The following HDAC9 variants were observed in gnomAD, a reference collection of about 807,000 sequenced individuals.
HDAC9 encodes MEF-2 interacting transcription repressor (MITR) protein.
In HDAC9, 41 loss-of-function variants were observed where a neutral mutation model predicts 139.4. The ratio of observed to expected loss-of-function variants is 0.29; its 90% CI spans 0.23 to 0.38. HDAC9 has a LOEUF of 0.38. Among genes scored for constraint, HDAC9 ranks in the 10% least tolerant of loss-of-function variants. The pLI is 1.00. For missense variants in HDAC9, 1,147 were observed against 1,297.0 expected, an observed-to-expected ratio of 0.88 and a Z score of 1.78; for synonymous variants, 517 against 476.2, an observed-to-expected ratio of 1.09 and a Z score of -1.12.
chr7:18,526,549 A>C (rs1806994166), intron 2 of HDAC9, among the ~76,000 whole-genome samples: 1 of 152,184 alleles, frequency 6.6e-6, no homozygotes, highest in Non-Finnish European at 1.5e-5. Context: ...TGTGTCACCA[A>C]AACATATTAT....
chr7:18,276,724 G>T (rs1235348277), intron 2 of HDAC9, among the ~76,000 whole-genome samples: 1 of 152,172 alleles, frequency 6.6e-6, no homozygotes, highest in Non-Finnish European at 1.5e-5. Flanking sequence ...ATGAATAGCT[G>T]AAGTGACAGC....
chr7:18,140,235 T>G (rs1446411221), intron 1 of HDAC9, among the ~76,000 whole-genome samples: 1 of 152,156 alleles, frequency 6.6e-6, no homozygotes. Context: ...AGGAAAACAG[T>G]GACAGCATAT....
intron 2 of HDAC9, among the ~76,000 whole-genome samples, chr7:18,245,541 A>G (rs1794468280): frequency 6.6e-6 from 1 of 152,168 alleles, no homozygotes; most frequent in Non-Finnish European, 1.5e-5. Context: ...GCAAAGGCCC[A>G]TTTAGCCTCT....
At chr7:18,149,342 TTAA>T (rs1244298195) in intron 1 of HDAC9, among the ~76,000 whole-genome samples, 1 of 149,058 alleles carries the variant, frequency 6.7e-6, no homozygotes, top group Non-Finnish European at 1.5e-5. Context: ...CTTATAATAA[TTAA>T]TAATTTTTTC....
intron 25 of HDAC9, among the ~76,000 whole-genome samples, chr7:18,983,093 C>G (rs1195775988): frequency 2.0e-5 from 3 of 152,138 alleles, no homozygotes; most frequent in Non-Finnish European, 4.4e-5. Flanking sequence ...CATTGACCAG[C>G]TCCTTCATCT....
intron 16 of HDAC9, among the ~76,000 whole-genome samples, chr7:18,790,504 C>A (rs1272937394): frequency 6.6e-6 from 1 of 152,130 alleles, no homozygotes; most frequent in Non-Finnish European, 1.5e-5. Flanking sequence ...AACTTCAAAG[C>A]CTCCAGAATT....
At chr7:18,191,118 C>T (rs1790325221) in intron 2 of HDAC9, among the ~76,000 whole-genome samples, 1 of 152,140 alleles carries the variant, frequency 6.6e-6, no homozygotes, top group Non-Finnish European at 1.5e-5. Context: ...CATTAATACC[C>T]TACTGTTGAC....
At chr7:18,389,088 T>C (rs563287581) in intron 1 of HDAC9, among the ~76,000 whole-genome samples, 1 of 152,352 alleles carries the variant, frequency 6.6e-6, no homozygotes, top group South Asian at 2.1e-4. Context: ...CTGTAGGCTT[T>C]AGTTTTACTG....
intron 1 of HDAC9, among the ~76,000 whole-genome samples, chr7:18,324,680 A>G (rs1800300813): frequency 6.6e-6 from 1 of 152,180 alleles, no homozygotes; most frequent in Non-Finnish European, 1.5e-5. Flanking sequence ...CTGCATTCTA[A>G]TAAGATTTAT....
chr7:18,482,535 G>A (rs1029714096), intron 1 of HDAC9, among the ~76,000 whole-genome samples: 1 of 151,572 alleles, frequency 6.6e-6, no homozygotes, highest in African/African-American at 2.4e-5. Context: ...TACTTGAGAT[G>A]TTATTAGAGT....
At chr7:18,475,131 G>A (rs188735625) in intron 1 of HDAC9, among the ~76,000 whole-genome samples, 8 of 152,284 alleles carry the variant, frequency 5.3e-5, no homozygotes, top group Admixed American at 2.6e-4. Context: ...AACAGAGCTC[G>A]GAAGGATCTT....
At chr7:18,574,171 A>T (rs770038230) in intron 2 of HDAC9, among the ~76,000 whole-genome samples, 2 of 152,102 alleles carry the variant, frequency 1.3e-5, no homozygotes, top group Non-Finnish European at 2.9e-5. Context: ...TGGAGAGGAG[A>T]CCCACAGTGG....
At chr7:18,948,524 G>A (rs1456412397) in intron 23 of HDAC9, among the ~76,000 whole-genome samples, 1 of 152,126 alleles carries the variant, frequency 6.6e-6, no homozygotes, top group African/African-American at 2.4e-5. Flanking sequence ...GAAACTGGGT[G>A]AAGAGTACAT....
chr7:18,400,503 G>A lies in HDAC9; in HGVS notation c.-41-95759G>A, dbSNP rs1787440327. Reference sequence around the variant, plus strand: ...ATTCCCTCCCACCAGATGACTTCTTGGTTTCACTGTGAAGTTGGACATGGG... The same window carrying A: ...ATTCCCTCCCACCAGATGACTTCTTAGTTTCACTGTGAAGTTGGACATGGG... On this transcript the variant is annotated intron_variant, in intron 1 of 3. Coordinates refer to the HDAC9 transcript ENST00000413509. Among the ~76,000 whole-genome samples, 3 of 152,150 alleles carry A rather than the reference G, an allele frequency of 2.0e-5. No homozygotes were observed. In the South Asian group the frequency reaches 6.2e-4, roughly 32 times the overall value.
intron 1 of HDAC9, among the ~76,000 whole-genome samples, chr7:18,303,065 C>A (rs1004492107): frequency 3.3e-5 from 5 of 151,742 alleles, no homozygotes; most frequent in African/African-American, 1.2e-4. Context: ...CATAAAGAAG[C>A]CATTAAAATA....
intron 21 of HDAC9, among the ~76,000 whole-genome samples, chr7:18,850,355 C>A (rs1345304127): frequency 6.6e-6 from 1 of 152,074 alleles, no homozygotes; most frequent in Non-Finnish European, 1.5e-5. Flanking sequence ...AGGCACAGAC[C>A]CTTGTACTTC....
chr7:18,168,874 G>A (rs1347987658), intron 2 of HDAC9, among the ~76,000 whole-genome samples: 1 of 115,338 alleles, frequency 8.7e-6, no homozygotes. Flanking sequence ...AGGTGCAAAT[G>A]TCTTGTTTTT....
At chr7:18,864,640 TAA>T (rs1798356451) in intron 21 of HDAC9, among the ~76,000 whole-genome samples, 1 of 150,074 alleles carries the variant, frequency 6.7e-6, no homozygotes, top group African/African-American at 2.5e-5. Flanking sequence ...GAAAAAAAAC[TAA>T]GAGGATTGGG....
In HDAC9 at chr7:18,629,416, C is replaced by G; in HGVS notation, c.731C>G (p.Pro244Arg). ...AAAGTGGCAGAGAGGAGAAGCAGCC[C>G]CTTACTCAGGCGGAAGGATGGAAAT... ...KQKVAERRSS[P>R]LLRRKDGNVV... is the part of the protein sequence containing the mutation. Residue 244 changes from proline (P) to arginine (R), a missense_variant, in exon 7 of 26, where the codon CCC (proline) becomes CGC (arginine). Physicochemically the swap from Pro to Arg is moderately radical, Grantham distance 103. Around this residue, in one of 7 missense-constraint regions of HDAC9, gnomAD observed 264 missense variants for 273.8 expected, o/e 0.96. Coordinates refer to ENST00000686413, the MANE Select transcript of HDAC9 (RefSeq NM_178425.4). 1 of 1,611,592 alleles carries G rather than the reference C, an allele frequency of 6.2e-7. No individual in the cohort carries two copies. The highest frequency in any genetic ancestry group is 1.1e-5 in the South Asian group (1 of 90,824).
Sources: allele counts gnomAD v4.1 joint callset (sites outside exome capture counted in the v4.1 genomes callset), GRCh38; gene constraint gnomAD v4.1.1; regional missense constraint gnomAD v4.1.1; transcripts MANE v1.5; gene names NCBI Gene and HGNC (gene_info 2026-07-23, HGNC 2026-07-21).